Variants in CDH16 observed in about 807,000 individuals in gnomAD.
CDH16 encodes the protein cadherin-16.
A neutral mutation model predicts 87.6 loss-of-function variants in CDH16; 79 were observed. That is an observed-to-expected ratio of 0.90 (90% confidence interval 0.75 to 1.09). CDH16 has a LOEUF of 1.09. Ranked by LOEUF, CDH16 falls within the 50% of genes least tolerant of loss-of-function variation. The pLI is 0.00. For synonymous variants in CDH16, 457 were observed against 439.5 expected, an observed-to-expected ratio of 1.04 and a Z score of -0.50; for missense variants, 1,124 against 1,071.7, an observed-to-expected ratio of 1.05 and a Z score of -0.68.
Position 66,918,016 on chromosome 16 carries a change from C to A in CDH16, c.45+5G>T, listed in dbSNP as rs1316828814. 1 of 1,576,538 alleles carries A rather than the reference C, an allele frequency of 6.3e-7. No homozygotes were observed. Among genetic ancestry groups the A allele is most frequent in the Middle Eastern group, 1.7e-4 (1 of 5,886 alleles). ...CTGAAGGAGAGGGGGCAGGGCCTAG[C>A]TCACCTGGGGGACGGAGACACAAAG... On this transcript the variant is annotated splice_donor_5th_base_variant and intron_variant, in intron 2 of 17. Coordinates refer to ENST00000299752, the MANE Select transcript of CDH16 (RefSeq NM_004062.4).
At position 66,908,360 on chromosome 16, in the gene CDH16, G is replaced by T. The variant is rs775289811; in HGVS notation, c.*32C>A. On this transcript the variant is annotated 3_prime_UTR_variant, in exon 18 of 18. Transcript: ENST00000299752. ...CCAGGGGACTCAGATGGAGCCAGAG[G>T]CCAAGCTCCCAGCTAGAGCTGCCTG... 6 of 1,577,222 alleles carry T rather than the reference G, an allele frequency of 3.8e-6. No individual in the cohort carries two copies. Among genetic ancestry groups the T allele is most frequent in the Admixed American group, 3.3e-5 (2 of 59,996 alleles).
chr16:66,911,650 G>A (rs1408001599), intron 13 of CDH16, among the ~76,000 whole-genome samples: 1 of 152,192 alleles, frequency 6.6e-6, no homozygotes, highest in Non-Finnish European at 1.5e-5. Context: ...GGGCATTGGA[G>A]GAGGGCCTGG....
At chr16:66,910,931 A>T in intron 14 of CDH16, 1 of 452,926 alleles carries the variant, frequency 2.2e-6, no homozygotes. Flanking sequence ...CAGTGGCTAA[A>T]GGACAGGGCT....
intron 1 of CDH16, 83 bp from the exon 2 acceptor site, chr16:66,918,161 C>T: frequency 1.1e-6 from 1 of 899,532 alleles, no homozygotes; most frequent in Non-Finnish European, 1.6e-6. Flanking sequence ...TGGGATCGTA[C>T]TGCAGACTAG....
chr16:66,913,535 T>C lies in CDH16; in HGVS notation c.859A>G (p.Asn287Asp). The C allele has an allele frequency of 1.2e-6, 2 of 1,614,094 alleles. No homozygotes were observed. Among genetic ancestry groups the C allele is most frequent in the Non-Finnish European group, 1.7e-6 (2 of 1,179,946 alleles). The change falls in exon 8 of 18, where the codon AAC becomes GAC. Residue 287 changes from asparagine to aspartate, a missense_variant. Asn to Asp is a conservative substitution (Grantham distance 23). Transcript: ENST00000299752. ...PGPFEVNAEG[N>D]LYVTRELDRE... ...TCCAGCTCTCTGGTCACGTAGAGGT[T>C]TCCCTCTGCATTCACTTCAAAGGGT...
At chr16:66,918,420 G>A (rs1027910867) in intron 1 of CDH16, among the ~76,000 whole-genome samples, 1 of 152,268 alleles carries the variant, frequency 6.6e-6, no homozygotes, top group African/African-American at 2.4e-5. Context: ...TTTGAAGCTG[G>A]AAAGTTCCTG....
rs748140967 is a variant in CDH16, at chr16:66,913,615, T to TGG, written c.781-4_781-3dup. ...CACATCACCCCCACTCCAGTGTACCTGGGGGGGACACCCCGGGCCAAGGGG... is the reference window on the plus strand; with the variant it reads ...CACATCACCCCCACTCCAGTGTACCTGGGGGGGGGACACCCCGGGCCAAGGGG... On this transcript the variant is annotated splice_polypyrimidine_tract_variant and splice_region_variant and intron_variant, in intron 7 of 17. Coordinates refer to ENST00000299752, the MANE Select transcript of CDH16 (RefSeq NM_004062.4). The TGG allele has an allele frequency of 6.2e-7, 1 of 1,613,426 alleles. No homozygotes were observed. Among genetic ancestry groups the TGG allele is most frequent in the African/African-American group, 1.3e-5 (1 of 74,900 alleles).
Position 66,914,260 on chromosome 16 carries a change from G to A in CDH16, c.736C>T (p.Leu246=), listed in dbSNP as rs1962573597. Residue 246 remains leucine (L), a synonymous_variant, in exon 7 of 18, where the codon CTG becomes TTG. Coordinates refer to ENST00000299752, the MANE Select transcript of CDH16 (RefSeq NM_004062.4). ...STWVSLEPIH[L]AENLKVLYPH... ...TATAGGACTTTGAGATTCTCTGCCA[G>A]GTGGATAGGCTCTAGGGACACCCAG... 1.2e-6 allele frequency: 2 copies of A among 1,614,086 alleles called. No individual in the cohort carries two copies. The highest frequency in any genetic ancestry group is 2.7e-5 in the African/African-American group (2 of 74,930).
chr16:66,917,673 T>C lies in CDH16; in HGVS notation c.98A>G (p.Tyr33Cys), dbSNP rs1962742574. The C allele has an allele frequency of 6.2e-7, 1 of 1,613,544 alleles. No homozygotes were observed. The highest frequency in any genetic ancestry group is 8.5e-7 in the Non-Finnish European group (1 of 1,179,780). ...AELSVEVPENYGGNFPLYLTK... is the reference protein window; with the variant it reads ...AELSVEVPENCGGNFPLYLTK... ...CAGGTATAAAGGGAAATTTCCACCA[T>C]AGTTTTCTGGAACTTCCACAGACAG... The change falls in exon 3 of 18, where the codon TAT becomes TGT. Residue 33 changes from tyrosine to cysteine, a missense_variant. Coordinates refer to ENST00000299752, the MANE Select transcript of CDH16 (RefSeq NM_004062.4).
Position 66,910,294 on chromosome 16 carries a change from C to G in CDH16, c.2133G>C (p.Thr711=). 1 of 1,611,132 alleles carries G rather than the reference C, an allele frequency of 6.2e-7. No individual in the cohort carries two copies. Among genetic ancestry groups the G allele is most frequent in the African/African-American group, 1.3e-5 (1 of 74,940 alleles). Residue 711 remains threonine (T), a synonymous_variant, in exon 15 of 18, where the codon ACG becomes ACC. Transcript: ENST00000299752. ...PYSFTLGPNP[T]VQRDWRLQTL... is the part of the protein sequence containing the mutation. ...TCTGGAGGCGCCAATCCCGTTGCAC[C>G]GTGGGGTTGGGACCAAGGGTGAAGC...
chr16:66,912,992 GT>G, intron 9 of CDH16, 101 bp from the exon 10 acceptor site: 3 of 196,418 alleles, frequency 1.5e-5, no homozygotes, highest in African/African-American at 2.8e-5. Context: ...ATTTGAGCTC[GT>G]GTGTGTGTGT....
At chr16:66,917,819 G>A in intron 2 of CDH16, 94 bp from the exon 3 acceptor site, 2 of 1,181,280 alleles carry the variant, frequency 1.7e-6, no homozygotes, top group Non-Finnish European at 2.4e-6. Context: ...CCTTCCCAGG[G>A]CCTGGCTGTA....
intron 3 of CDH16, among the ~76,000 whole-genome samples, chr16:66,917,069 T>A (rs1486779681): frequency 6.6e-6 from 1 of 150,650 alleles, no homozygotes; most frequent in Non-Finnish European, 1.5e-5. Context: ...GCGGCTCACC[T>A]GAGGTGAGGT....
In CDH16 at chr16:66,916,087, C is replaced by T. The variant is rs756422642; in HGVS notation, c.402G>A (p.Arg134=). 5 of 1,614,088 alleles carry T rather than the reference C, an allele frequency of 3.1e-6. No homozygotes were observed. The East Asian group carries it at 1.1e-4, about 36-fold the overall frequency. Residue 134 remains arginine (R), a synonymous_variant, in exon 5 of 18, where the codon CGG becomes CGA. Transcript: ENST00000299752. This position sits in a 1 kb window ranked among gnomAD's most constrained non-coding sequence, Gnocchi z 4.1. The part of the protein sequence containing the change: ...PHFSQAIYRA[R]LSRGTRPGIP... ...CACCAGGCCTGGTACCCCGGCTCAGCCGAGCTCTGTAGATGGCTTGAGAGA... is the reference window on the plus strand; with the variant it reads ...CACCAGGCCTGGTACCCCGGCTCAGTCGAGCTCTGTAGATGGCTTGAGAGA...
At position 66,914,276 on chromosome 16, in the gene CDH16, G is replaced by A. The variant is rs1318142464; in HGVS notation, c.720C>T (p.Ser240=). The A allele has an allele frequency of 6.2e-7, 1 of 1,614,072 alleles. No homozygotes were observed. Among genetic ancestry groups the A allele is most frequent in the Non-Finnish European group, 8.5e-7 (1 of 1,180,038 alleles). Reference sequence around the variant, plus strand: ...TCTCTGCCAGGTGGATAGGCTCTAGGGACACCCAGGTGCTCTCTATGATGG... The same window carrying A: ...TCTCTGCCAGGTGGATAGGCTCTAGAGACACCCAGGTGCTCTCTATGATGG... ...EVSIIESTWV[S]LEPIHLAENL... The change falls in exon 7 of 18, where the codon TCC becomes TCT. Residue 240 remains serine (S), a synonymous_variant. Coordinates refer to ENST00000299752, the MANE Select transcript of CDH16 (RefSeq NM_004062.4).
rs554149627 is a variant in CDH16 at position 66,912,549 on chromosome 16, T to A, written c.1314A>T (p.Ala438=). The A allele has an allele frequency of 6.2e-7, 1 of 1,614,028 alleles. No homozygotes were observed. The highest frequency in any genetic ancestry group is 1.1e-5 in the South Asian group (1 of 91,084). The change falls in exon 11 of 18, where the codon GCA becomes GCT. Residue 438 remains alanine (A), a synonymous_variant. Transcript: ENST00000299752. The part of the protein sequence containing the change: ...GFSSTCEVEV[A]VTDINDHAPE... ...GGGCGTGATCATTGATATCTGTGAC[T>A]GCGACTTCGACTTCACACGTGCTGC... is the stretch of plus-strand genomic sequence containing the variant.
Position 66,916,122 on chromosome 16 carries a change from C to A in CDH16, c.367G>T (p.Val123Leu). ...TAGATGGCTTGAGAGAAATGGGGCA[C>A]CTGGTCATTCTCATCCTTCACGTGC... ...LVHVKDENDQVPHFSQAIYRA... is the reference protein window; with the variant it reads ...LVHVKDENDQLPHFSQAIYRA... Residue 123 changes from valine (V) to leucine (L), a missense_variant, in exon 5 of 18, where the codon GTG becomes TTG. Transcript: ENST00000299752. The surrounding 1 kb of genome is among the most constrained non-coding windows in gnomAD (Gnocchi z 4.1). The A allele has an allele frequency of 6.2e-7, 1 of 1,614,230 alleles. No individual in the cohort carries two copies. Among genetic ancestry groups the A allele is most frequent in the Non-Finnish European group, 8.5e-7 (1 of 1,180,048 alleles).
At chr16:66,918,346 A>G (rs748729531) in intron 1 of CDH16, among the ~76,000 whole-genome samples, 4 of 152,162 alleles carry the variant, frequency 2.6e-5, no homozygotes, top group Non-Finnish European at 4.4e-5. Flanking sequence ...CCTTCTCACC[A>G]TAGCCTCCCC....
intron 5 of CDH16, 66 bp from the exon 6 acceptor site, chr16:66,915,444 C>T (rs1962637182): frequency 9.3e-6 from 14 of 1,511,608 alleles, no homozygotes; most frequent in Non-Finnish European, 1.3e-5. Flanking sequence ...CCATGCCTCT[C>T]CTATTTCTCC....
Sources: gnomAD v4.1 joint callset for allele counts (sites outside exome capture counted in the v4.1 genomes callset) on GRCh38, gnomAD v4.1.1 for gene constraint, Gnocchi (gnomAD v3.1) non-coding constraint, MANE v1.5 for transcripts, NCBI Gene and HGNC (gene_info 2026-07-23, HGNC 2026-07-21) for gene names.